Variants in HMGXB4 observed in about 807,000 individuals in gnomAD.
The protein encoded by HMGXB4 is HMG domain-containing protein 4.
HMGXB4 carries 27 observed loss-of-function variants against 63.9 expected under a neutral mutation model. That is an observed-to-expected ratio of 0.42 (90% CI 0.31 to 0.58). The LOEUF is 0.58. HMGXB4 is among the 20% of genes least tolerant of loss of function. The pLI, the probability that HMGXB4 is intolerant of heterozygous loss-of-function variation, is 0.13. For synonymous variants in HMGXB4, 264 were observed against 265.3 expected (o/e 0.99, Z 0.05); for missense variants, 624 against 700.7 (o/e 0.89, Z 1.24).
the HMGXB4 span, among the ~76,000 whole-genome samples, chr22:35,244,175 G>C: frequency 1.3e-5 from 2 of 151,920 alleles, no homozygotes; most frequent in African/African-American, 4.8e-5. Context: ...CTCTCTCTAG[G>C]ACTCATGATA....
At chr22:35,279,132 C>CTTTTTT (rs551006065) in intron 5 of HMGXB4, among the ~76,000 whole-genome samples, 47 of 50,830 alleles carry the variant, frequency 9.2e-4, no homozygotes, top group African/African-American at 2.1e-3. Flanking sequence ...TATGGATTGT[C>CTTTTTT]TTTTTTTTTT....
At chr22:35,244,011 T>C in the HMGXB4 span, among the ~76,000 whole-genome samples, 1 of 152,220 alleles carries the variant, frequency 6.6e-6, no homozygotes, top group Admixed American at 6.5e-5. Context: ...TTCAAAAGTT[T>C]AGTTATGATG....
At chr22:35,263,677 C>G (rs1923011912) in intron 3 of HMGXB4, 119 bp from the exon 4 acceptor site, 1 of 709,062 alleles carries the variant, frequency 1.4e-6, no homozygotes. Flanking sequence ...TTATGCACAT[C>G]TATTTTTATT....
chr22:35,253,608 CG>C (rs1922279692), upstream of HMGXB4, among the ~76,000 whole-genome samples: 1 of 151,700 alleles, frequency 6.6e-6, no homozygotes, highest in Non-Finnish European at 1.5e-5. Flanking sequence ...TGTGCGCGCG[CG>C]CGCGCGCGTG....
At chr22:35,244,906 T>C in the HMGXB4 span, among the ~76,000 whole-genome samples, 1 of 152,224 alleles carries the variant, frequency 6.6e-6, no homozygotes, top group African/African-American at 2.4e-5. Context: ...ATGGCCTTAC[T>C]GAGAACATTA....
At chr22:35,269,979 T>C (rs1002887293) in intron 5 of HMGXB4, among the ~76,000 whole-genome samples, 3 of 152,050 alleles carry the variant, frequency 2.0e-5, no homozygotes, top group Non-Finnish European at 2.9e-5. Context: ...CCCTGTCTCT[T>C]TTAAAGAGAA....
chr22:35,290,372 G>A (rs932443028), intron 9 of HMGXB4, among the ~76,000 whole-genome samples: 6 of 151,866 alleles, frequency 4.0e-5, no homozygotes, highest in Admixed American at 2.6e-4. Context: ...CCAGCCAGGC[G>A]CGGTGGCTCA....
At chr22:35,268,288 G>C (rs768458852) in intron 5 of HMGXB4, among the ~76,000 whole-genome samples, 1 of 151,890 alleles carries the variant, frequency 6.6e-6, no homozygotes, top group Non-Finnish European at 1.5e-5. Flanking sequence ...CAGTCTTATC[G>C]TTCACTTTTA....
At chr22:35,245,326 T>C in the HMGXB4 span, among the ~76,000 whole-genome samples, 3 of 106,690 alleles carry the variant, frequency 2.8e-5, no homozygotes, top group Non-Finnish European at 4.6e-5. Context: ...TATGAAACTT[T>C]CTATTTTTTT....
chr22:35,265,561 GAAAA>G lies in HMGXB4; in HGVS notation c.1176_1179del (p.Glu394ArgfsTer29), dbSNP rs769217942. ...CAGATGGGCATAGTGAAAAAAAAAA[GAAAA>G]AAGAAGAGAAGGACAAAGAGAGAGA... On this transcript the variant is annotated frameshift_variant, in exon 5 of 11. Coordinates refer to ENST00000216106, the MANE Select transcript of HMGXB4 (RefSeq NM_001003681.3). LOFTEE classifies it high-confidence loss of function. 1 of 1,588,276 alleles carries G rather than the reference GAAAA, an allele frequency of 6.3e-7. No individual in the cohort carries two copies. The highest frequency in any genetic ancestry group is 8.5e-7 in the Non-Finnish European group (1 of 1,171,300).
the HMGXB4 span, among the ~76,000 whole-genome samples, chr22:35,246,421 C>CCG: frequency 6.6e-6 from 1 of 151,850 alleles, no homozygotes; most frequent in Non-Finnish European, 1.5e-5. Context: ...ACTGCAGGTG[C>CCG]CCACCATGCC....
chr22:35,264,430 T>C (rs1006567092), intron 4 of HMGXB4, among the ~76,000 whole-genome samples: 6 of 152,198 alleles, frequency 3.9e-5, no homozygotes, highest in African/African-American at 1.2e-4. Flanking sequence ...GAAACAACTT[T>C]AGTGGCAAGA....
intron 5 of HMGXB4, among the ~76,000 whole-genome samples, 163 bp from the exon 6 acceptor site, chr22:35,283,799 A>G (rs1032195240): frequency 6.6e-6 from 1 of 151,510 alleles, no homozygotes; most frequent in African/African-American, 2.4e-5. Flanking sequence ...CAAAAAATAT[A>G]TATATATATA....
At chr22:35,259,884 AT>A (rs1265385582) in intron 1 of HMGXB4, among the ~76,000 whole-genome samples, 3 of 152,234 alleles carry the variant, frequency 2.0e-5, no homozygotes, top group Non-Finnish European at 2.9e-5. Flanking sequence ...GACCTAATAT[AT>A]GTAATGCCAA....
At chr22:35,283,876 C>T in intron 5 of HMGXB4, 86 bp from the exon 6 acceptor site, 1 of 929,530 alleles carries the variant, frequency 1.1e-6, no homozygotes, top group Non-Finnish European at 1.7e-6. Flanking sequence ...TTTAGGTATC[C>T]TTCTATTTTA....
upstream of HMGXB4, chr22:35,257,346 C>T (rs1309227499): frequency 6.5e-6 from 1 of 152,676 alleles, no homozygotes; most frequent in Admixed American, 6.5e-5. Context: ...ATAGCAAATT[C>T]TCAATAAATA....
chr22:35,269,451 G>A (rs1337464165), intron 5 of HMGXB4, among the ~76,000 whole-genome samples: 1 of 152,020 alleles, frequency 6.6e-6, no homozygotes, highest in Non-Finnish European at 1.5e-5. Context: ...TGTCTGCTTG[G>A]GGCAGAATGT....
chr22:35,253,144 A>AAAAGAAAAAAAAAAAAAG (rs569919305), upstream of HMGXB4, among the ~76,000 whole-genome samples: 62 of 125,374 alleles, frequency 4.9e-4, 1 homozygote, highest in African/African-American at 1.7e-3. Context: ...AAAAAAAAAA[A>AAAAGAAAAAAAAAAAAAG]AAAAAAGAAA....
At chr22:35,262,147 C>T (rs1260604132) in intron 1 of HMGXB4, 176 bp from the exon 2 acceptor site, 1 of 511,938 alleles carries the variant, frequency 2.0e-6, no homozygotes, top group African/African-American at 1.9e-5. Flanking sequence ...GCCTAGTATA[C>T]TTCCTGCAGT....
Sources: allele counts gnomAD v4.1 joint callset (sites outside exome capture counted in the v4.1 genomes callset), GRCh38; gene constraint gnomAD v4.1.1; transcripts MANE v1.5; gene names NCBI Gene and HGNC (gene_info 2026-07-23, HGNC 2026-07-21).